CRACR2A: variants seen among roughly 807,000 people sequenced by gnomAD.
CRACR2A encodes calcium release activated channel regulator 2A.
CRACR2A carries 79 observed loss-of-function variants against 90.5 expected under a neutral mutation model. The observed-to-expected ratio is 0.87, with a 90% CI of 0.73 to 1.05. The LOEUF is 1.05. CRACR2A is among the 50% of genes least tolerant of loss of function. CRACR2A has a pLI of 0.00. For synonymous variants in CRACR2A, 338 were observed against 356.7 expected (o/e 0.95, Z 0.59); for missense variants, 823 against 897.2 (o/e 0.92, Z 1.06).
intron 10 of CRACR2A, among the ~76,000 whole-genome samples, chr12:3,650,731 G>T (rs17836203): frequency 2.0e-5 from 3 of 151,968 alleles, no homozygotes; most frequent in East Asian, 1.9e-4. Context: ...CTTAAGGTCT[G>T]GGTTCTCACG....
chr12:3,686,352 G>A (rs1448039629), intron 4 of CRACR2A, among the ~76,000 whole-genome samples: 4 of 152,212 alleles, frequency 2.6e-5, no homozygotes, highest in Non-Finnish European at 5.9e-5. Context: ...GAGCACATCT[G>A]TGTTCCAAGA....
At chr12:3,626,079 G>A (rs969093513) in intron 17 of CRACR2A, among the ~76,000 whole-genome samples, 6 of 152,322 alleles carry the variant, frequency 3.9e-5, no homozygotes, top group East Asian at 3.9e-4. Flanking sequence ...AGTGCGTCAG[G>A]CACAGTAATT....
intron 17 of CRACR2A, among the ~76,000 whole-genome samples, chr12:3,621,521 G>T (rs1944134194): frequency 6.7e-6 from 1 of 149,816 alleles, no homozygotes; most frequent in East Asian, 2.0e-4. Flanking sequence ...GTGTGGTGGT[G>T]GGCACCTGTA....
At chr12:3,707,800 C>A (rs1945950821) in intron 3 of CRACR2A, among the ~76,000 whole-genome samples, 1 of 152,150 alleles carries the variant, frequency 6.6e-6, no homozygotes, top group African/African-American at 2.4e-5. Flanking sequence ...AATAATAACA[C>A]CTGGCTTGGT....
intron 13 of CRACR2A, chr12:3,640,589 G>A (rs921649096): frequency 1.5e-6 from 2 of 1,292,540 alleles, no homozygotes; most frequent in Non-Finnish European, 2.0e-6. Flanking sequence ...CTCCCAAATT[G>A]TATCTCATTA....
At chr12:3,749,698 G>C (rs548462651) in intron 1 of CRACR2A, among the ~76,000 whole-genome samples, 1 of 152,262 alleles carries the variant, frequency 6.6e-6, no homozygotes, top group East Asian at 1.9e-4. Flanking sequence ...ATTTCTCTCA[G>C]AGGAAAGGAA....
chr12:3,752,803 G>A (rs1946729588), intron 1 of CRACR2A, among the ~76,000 whole-genome samples: 1 of 152,060 alleles, frequency 6.6e-6, no homozygotes, highest in African/African-American at 2.4e-5. Context: ...TCCCGTTACC[G>A]AGTGACAGGG....
chr12:3,721,380 AAAGAAAGAAAG>A (rs1305356539), intron 2 of CRACR2A, among the ~76,000 whole-genome samples: 2 of 147,382 alleles, frequency 1.4e-5, no homozygotes, highest in African/African-American at 2.4e-5. Flanking sequence ...CAAAAAAAAA[AAAGAAAGAAAG>A]AAAAGAAAGA....
intron 2 of CRACR2A, among the ~76,000 whole-genome samples, chr12:3,714,841 A>G (rs1946059311): frequency 1.3e-5 from 2 of 152,222 alleles, no homozygotes; most frequent in African/African-American, 4.8e-5. Flanking sequence ...TTACAAAGCA[A>G]TTTCACAAAA....
In CRACR2A at chr12:3,648,322, G is replaced by A. The variant is rs1944727666; in HGVS notation, c.1118+220C>T. 4.1e-6 allele frequency: 6 copies of A among 1,456,470 alleles called. No homozygotes were observed. The East Asian group carries it at 9.3e-5, about 23-fold the overall frequency. The allele number at this position is 1,456,470 out of a possible 1,614,324, so 90.2% of individuals were successfully genotyped here. On this transcript the variant is annotated intron_variant, in intron 11 of 19. Transcript: ENST00000440314. The stretch of plus-strand genomic sequence containing the variant: ...GAGTGGGGCAGAGCCTCCCCACCAG[G>A]AGGAATAAACTGGATGTGGGCGCAT...
intron 9 of CRACR2A, among the ~76,000 whole-genome samples, chr12:3,655,765 G>A (rs1944893193): frequency 6.6e-6 from 1 of 152,228 alleles, no homozygotes; most frequent in South Asian, 2.1e-4. Flanking sequence ...CATCAGAGAG[G>A]AGTGTCTGGT....
At position 3,666,330 on chromosome 12, in the gene CRACR2A, C is replaced by CGTGTGTGTGTGTTTGT. The variant is rs1555112056; in HGVS notation, c.672-6677_672-6676insACAAACACACACACAC. On this transcript the variant is annotated intron_variant, in intron 7 of 19. Transcript: ENST00000440314. Reference sequence around the variant, plus strand: ...AATGTCCCTCCCTAAAGGACGGCTGCGTGTGTGTGTGTGTGTGTGTGTGTG... The same window carrying CGTGTGTGTGTGTTTGT: ...AATGTCCCTCCCTAAAGGACGGCTGCGTGTGTGTGTGTTTGTGTGTGTGTGTGTGTGTGTGTGTGTG... 3.1e-3 allele frequency among the ~76,000 whole-genome samples: 428 copies of CGTGTGTGTGTGTTTGT among 139,660 alleles called. 4 individuals are homozygous for CGTGTGTGTGTGTTTGT. The highest frequency in any genetic ancestry group is 7.3e-3 in the Admixed American group (103 of 14,030). The allele number at this position is 139,660 out of a possible 152,430, so 91.6% of individuals were successfully genotyped here.
intron 11 of CRACR2A, 139 bp downstream of exon 11, chr12:3,648,403 G>A (rs1344854398): frequency 1.3e-6 from 2 of 1,566,990 alleles, no homozygotes; most frequent in Non-Finnish European, 1.7e-6. Context: ...ACACTGCACT[G>A]GGGACCAAGG....
At chr12:3,745,825 T>TAACATAACATAACATAACATC (rs1555123102) in intron 1 of CRACR2A, among the ~76,000 whole-genome samples, 1 of 100,486 alleles carries the variant, frequency 1.0e-5, no homozygotes, top group Admixed American at 1.1e-4. Flanking sequence ...TAAAATAAAA[T>TAACATAACATAACATAACATC]AAAGAAAGAA....
chr12:3,666,330 C>CATGTGTGTGTGTTT (rs1555112057), intron 7 of CRACR2A, among the ~76,000 whole-genome samples: 4 of 139,582 alleles, frequency 2.9e-5, no homozygotes, highest in Middle Eastern at 3.4e-3. Context: ...AGGACGGCTG[C>CATGTGTGTGTGTTT]GTGTGTGTGT....
At position 3,659,598 on chromosome 12, in the gene CRACR2A, T is replaced by G. The variant is rs767844257; in HGVS notation, c.728A>C (p.Gln243Pro). 34 of 1,614,004 alleles carry G rather than the reference T, an allele frequency of 2.1e-5. No individual in the cohort carries two copies. The highest frequency in any genetic ancestry group is 2.9e-5 in the Non-Finnish European group (34 of 1,180,018). Residue 243 changes from glutamine to proline, a missense_variant, in exon 8 of 20, where the codon CAA becomes CCA. Coordinates refer to ENST00000440314, the MANE Select transcript of CRACR2A (RefSeq NM_001144958.2). ...AAACTGCTCCTTCTCACTTTTGATT[T>G]GTTGTTCCATCTCCTCATAGAGATG... is the stretch of plus-strand genomic sequence containing the variant. Reference protein sequence around the residue: ...IQHLYEEMEQQIKSEKEQFLL... With the variant: ...IQHLYEEMEQPIKSEKEQFLL...
chr12:3,721,902 G>A, intron 2 of CRACR2A, among the ~76,000 whole-genome samples: 1 of 152,306 alleles, frequency 6.6e-6, no homozygotes, highest in African/African-American at 2.4e-5. Flanking sequence ...TTGGAAAAAT[G>A]TGAGTAGGGA....
chr12:3,655,858 A>G (rs942722779), intron 9 of CRACR2A, among the ~76,000 whole-genome samples: 11 of 152,334 alleles, frequency 7.2e-5, no homozygotes, highest in African/African-American at 2.2e-4. Flanking sequence ...CAGGGAAGAG[A>G]CAGGCTGACC....
At chr12:3,749,607 G>C (rs551823147) in intron 1 of CRACR2A, among the ~76,000 whole-genome samples, 1 of 152,098 alleles carries the variant, frequency 6.6e-6, no homozygotes, top group Non-Finnish European at 1.5e-5. Context: ...CACAGGTACC[G>C]TCTGGCTTTA....
Sources: gnomAD v4.1 joint callset for allele counts (sites outside exome capture counted in the v4.1 genomes callset) on GRCh38, gnomAD v4.1.1 for gene constraint, MANE v1.5 for transcripts, NCBI Gene and HGNC (gene_info 2026-07-23, HGNC 2026-07-21) for gene names.